PRKN: variants seen among roughly 807,000 people sequenced by gnomAD.
PRKN encodes the protein parkin RBR E3 ubiquitin protein ligase.
In PRKN, 56 loss-of-function variants were observed where a neutral mutation model predicts 59.5. That is an observed-to-expected ratio of 0.94 (90% CI 0.76 to 1.18). The LOEUF (loss-of-function observed/expected upper bound fraction) is 1.18. PRKN is among the 50% of genes most tolerant of loss of function. The pLI is 0.00. For synonymous variants in PRKN, 250 were observed against 222.1 expected, an observed-to-expected ratio of 1.13 and a Z score of -1.12; for missense variants, 657 against 596.4, an observed-to-expected ratio of 1.10 and a Z score of -1.06.
intron 5 of PRKN, among the ~76,000 whole-genome samples, chr6:161,998,302 G>A (rs575586953): frequency 1.3e-5 from 2 of 152,080 alleles, no homozygotes; most frequent in South Asian, 2.1e-4. Context: ...ATCTTTATTC[G>A]TGCTATGATG....
chr6:162,262,886 C>T (rs1352427558), intron 2 of PRKN, 121 bp from the exon 3 acceptor site: 2 of 1,251,598 alleles, frequency 1.6e-6, no homozygotes, highest in South Asian at 1.3e-5. Flanking sequence ...TGTAACTGAC[C>T]AACTTAGGTG....
In PRKN at chr6:161,456,745, G is replaced by A. The variant is rs1217318214; in HGVS notation, c.1084-69868C>T. Among the ~76,000 whole-genome samples, 4 of 152,154 alleles carry A rather than the reference G, an allele frequency of 2.6e-5. No individual in the cohort carries two copies. The highest frequency in any genetic ancestry group is 5.9e-5 in the Non-Finnish European group (4 of 68,026). ...ATGCTGACCTGGGTCTGCTTTGTAT[G>A]GGTGGTCAGAGGGTGAAAGGGTCTG... On this transcript the variant is annotated intron_variant, in intron 9 of 11. Coordinates refer to ENST00000366898, the MANE Select transcript of PRKN (RefSeq NM_004562.3). This position sits in a 1 kb window ranked among gnomAD's most constrained non-coding sequence, Gnocchi z 4.8.
intron 1 of PRKN, among the ~76,000 whole-genome samples, chr6:162,691,782 A>C (rs1011462291): frequency 5.9e-5 from 9 of 152,236 alleles, no homozygotes; most frequent in African/African-American, 2.4e-5. Context: ...TTCAACCTAC[A>C]TCACTAGAGT....
intron 1 of PRKN, among the ~76,000 whole-genome samples, chr6:162,608,041 G>T (rs1336513500): frequency 6.6e-6 from 1 of 152,214 alleles, no homozygotes; most frequent in African/African-American, 2.4e-5. Context: ...GGCTGCACAG[G>T]TTGAAAGGCC....
At chr6:162,563,327 A>C (rs1379426102) in intron 1 of PRKN, among the ~76,000 whole-genome samples, 1 of 151,556 alleles carries the variant, frequency 6.6e-6, no homozygotes, top group African/African-American at 2.4e-5. Context: ...CAAAAAAAAA[A>C]AAACAAAAAA....
At chr6:161,539,050 T>A (rs58623694) in intron 9 of PRKN, among the ~76,000 whole-genome samples, 36,222 of 152,118 alleles carry the variant, frequency 0.24, 4,958 homozygotes, top group East Asian at 0.46. Context: ...TGCTAGACAA[T>A]CTCTGCCCTT....
chr6:162,458,114 C>T (rs757239268), intron 1 of PRKN, among the ~76,000 whole-genome samples: 3 of 150,748 alleles, frequency 2.0e-5, no homozygotes, highest in African/African-American at 4.9e-5. Context: ...ATTAGCCAGG[C>T]GTGGTGGCAC....
chr6:162,606,708 T>C (rs911250463), intron 1 of PRKN, among the ~76,000 whole-genome samples: 4 of 152,046 alleles, frequency 2.6e-5, no homozygotes, highest in Non-Finnish European at 5.9e-5. Context: ...AGGTGAACAG[T>C]TGAGCAGTAT....
intron 4 of PRKN, among the ~76,000 whole-genome samples, chr6:162,126,424 G>A (rs536195705): frequency 5.3e-5 from 8 of 152,242 alleles, no homozygotes; most frequent in South Asian, 4.1e-4. Flanking sequence ...AATTGGTTTC[G>A]ATTGATTTAA....
rs397699104 is a variant in PRKN at position 161,550,762 on chromosome 6, T to TGTGTGTGTGTGTGTGTGTGG, written c.934-1760_934-1759insCCACACACACACACACACAC. Among the ~76,000 whole-genome samples, 1 of 150,732 alleles carries TGTGTGTGTGTGTGTGTGTGG rather than the reference T, an allele frequency of 6.6e-6. No individual in the cohort carries two copies. Among genetic ancestry groups the TGTGTGTGTGTGTGTGTGTGG allele is most frequent in the Non-Finnish European group, 1.5e-5 (1 of 67,574 alleles). ...ACGTGTGTGTGTGTGTGTGTGTGTG[T>TGTGTGTGTGTGTGTGTGTGG]AGGGAGTTGAGGCATGAAATAATTA... On this transcript the variant is annotated intron_variant, in intron 8 of 11. Transcript: ENST00000366898. The surrounding 1 kb of genome is among the most constrained non-coding windows in gnomAD (Gnocchi z 4.0).
intron 2 of PRKN, among the ~76,000 whole-genome samples, chr6:162,416,624 A>G (rs1184009988): frequency 1.3e-5 from 2 of 152,138 alleles, no homozygotes; most frequent in African/African-American, 4.8e-5. Flanking sequence ...TTTCTCCACC[A>G]TTTTTGGTTT....
In PRKN at chr6:161,359,776, C is replaced by G; in HGVS notation, c.1285+312G>C. Reference sequence around the variant, plus strand: ...GTCACCAGGGAGGACAGAAAAACCACAGCTGCCTCCTGACTGCCACTTATC... The same window carrying G: ...GTCACCAGGGAGGACAGAAAAACCAGAGCTGCCTCCTGACTGCCACTTATC... On this transcript the variant is annotated intron_variant, in intron 11 of 11. Coordinates refer to ENST00000366898, the MANE Select transcript of PRKN (RefSeq NM_004562.3). This position sits in a 1 kb window ranked among gnomAD's most constrained non-coding sequence, Gnocchi z 5.4. Among the ~76,000 whole-genome samples the G allele has an allele frequency of 6.6e-6, 1 of 152,214 alleles. No individual in the cohort carries two copies. Among genetic ancestry groups the G allele is most frequent in the South Asian group, 2.1e-4 (1 of 4,830 alleles).
chr6:161,614,136 C>G (rs1328311628), intron 7 of PRKN, among the ~76,000 whole-genome samples: 1 of 152,138 alleles, frequency 6.6e-6, no homozygotes, highest in South Asian at 2.1e-4. Context: ...ATGCCTCCAC[C>G]TTTCTCTTCA....
rs35458503 is a variant in PRKN, at chr6:161,554,712, TTGTG to T, written c.934-5713_934-5710del. Among the ~76,000 whole-genome samples, 8,782 of 138,678 alleles carry T rather than the reference TTGTG, an allele frequency of 0.063. 767 individuals carry two copies. The highest frequency in any genetic ancestry group is 0.2 in the African/African-American group (7,639 of 37,348). The allele number at this position is 138,678 out of a possible 152,430, so 91.0% of individuals were successfully genotyped here. A position where few individuals can be genotyped will look rare whatever the true frequency, so the allele number is the denominator to read the frequency against. ...TACAATCCTGATATACATACAGGGA[TTGTG>T]TGTGTGTGTGTGTGTGTGTATATAT... On this transcript the variant is annotated intron_variant, in intron 8 of 11. Transcript: ENST00000366898. This position sits in a 1 kb window ranked among gnomAD's most constrained non-coding sequence, Gnocchi z 4.5.
intron 5 of PRKN, among the ~76,000 whole-genome samples, chr6:162,044,589 G>A (rs770922818): frequency 3.9e-5 from 6 of 152,234 alleles, no homozygotes; most frequent in African/African-American, 7.2e-5. Flanking sequence ...ACTGGATAGA[G>A]CTCCATCAAA....
chr6:162,021,295 T>C (rs1310070035), intron 5 of PRKN, among the ~76,000 whole-genome samples: 1 of 140,916 alleles, frequency 7.1e-6, no homozygotes, highest in Admixed American at 7.2e-5. Context: ...AAACCACACT[T>C]AAATGACTAA....
intron 1 of PRKN, among the ~76,000 whole-genome samples, chr6:162,623,810 T>C (rs1007859715): frequency 3.3e-5 from 5 of 152,120 alleles, no homozygotes; most frequent in African/African-American, 1.2e-4. Context: ...TAAAAGCTTA[T>C]AGAAACCCAC....
rs1785503381 is a variant in PRKN at position 161,373,027 on chromosome 6, T to C, written c.1168-12822A>G. 6.6e-5 allele frequency among the ~76,000 whole-genome samples: 10 copies of C among 151,920 alleles called. No homozygotes were observed. On this transcript the variant is annotated intron_variant, in intron 10 of 11. Transcript: ENST00000366898. The surrounding 1 kb of genome is among the most constrained non-coding windows in gnomAD (Gnocchi z 4.8). ...GGTCTCACTTTGTTGCCCAGGCTGG[T>C]TTCGAATTCTTAGCTTCAAGTGATC...
intron 4 of PRKN, among the ~76,000 whole-genome samples, chr6:162,105,501 G>A (rs190589602): frequency 2.9e-4 from 44 of 152,208 alleles, no homozygotes; most frequent in African/African-American, 7.5e-4. Flanking sequence ...TCCTGGGTTC[G>A]AGCAATTCTC....
Sources: allele counts gnomAD v4.1 joint callset (sites outside exome capture counted in the v4.1 genomes callset), GRCh38; gene constraint gnomAD v4.1.1; non-coding constraint Gnocchi (gnomAD v3.1); transcripts MANE v1.5; gene names NCBI Gene and HGNC (gene_info 2026-07-23, HGNC 2026-07-21).